The following OPA1 variants were observed in gnomAD, a reference collection of about 807,000 sequenced individuals.
OPA1 encodes OPA1 mitochondrial dynamin like GTPase, also known as dynamin-like GTPase OPA1, mitochondrial.
OPA1 carries 59 observed loss-of-function variants against 152.9 expected under a neutral mutation model. The observed-to-expected ratio is 0.39, with a 90% CI of 0.31 to 0.48. The LOEUF (loss-of-function observed/expected upper bound fraction) is 0.48, where lower values mean the gene tolerates loss of function less well. Among genes scored for constraint, OPA1 ranks in the 20% least tolerant of loss-of-function variants. The pLI is 0.96. For synonymous variants in OPA1, 400 were observed against 389.9 expected (o/e 1.03, Z -0.31); for missense variants, 1,008 against 1,216.8 (o/e 0.83, Z 2.55).
intron 21 of OPA1, among the ~76,000 whole-genome samples, chr3:193,654,469 C>T (rs560015271): frequency 3.4e-3 from 516 of 150,724 alleles, no homozygotes; most frequent in Non-Finnish European, 5.1e-3. Flanking sequence ...GTACTCCATC[C>T]AGCCTGGGCA....
At chr3:193,616,460 G>A (rs1308692226) in intron 3 of OPA1, among the ~76,000 whole-genome samples, 1 of 152,000 alleles carries the variant, frequency 6.6e-6, no homozygotes, top group Admixed American at 6.6e-5. Context: ...TTTCCATGCT[G>A]CCAAGTAGCC....
At chr3:193,691,293 T>A (rs1175748246) in intron 29 of OPA1, 1 of 152,206 alleles carries the variant, frequency 6.6e-6, no homozygotes, top group East Asian at 1.9e-4. Context: ...TAAGAGGGGA[T>A]TGGCATGTAC....
chr3:193,606,865 T>C (rs997615699), intron 1 of OPA1, among the ~76,000 whole-genome samples: 6 of 152,214 alleles, frequency 3.9e-5, no homozygotes, highest in African/African-American at 1.4e-4. Context: ...ATGGTTGAAC[T>C]AGTTTACAGT....
chr3:193,604,132 T>A (rs1726871624), intron 1 of OPA1, among the ~76,000 whole-genome samples: 2 of 152,228 alleles, frequency 1.3e-5, no homozygotes, highest in South Asian at 4.1e-4. Flanking sequence ...CTGCTGCTAC[T>A]GCTTTTAAAC....
intron 21 of OPA1, among the ~76,000 whole-genome samples, chr3:193,653,981 CA>C (rs1008681780): frequency 5.5e-4 from 83 of 150,402 alleles, no homozygotes; most frequent in Admixed American, 7.9e-4. Context: ...GCAAACATTT[CA>C]AAAAAAAATT....
intron 1 of OPA1, among the ~76,000 whole-genome samples, chr3:193,598,617 C>T (rs1725974598): frequency 1.3e-5 from 2 of 152,022 alleles, no homozygotes; most frequent in Middle Eastern, 3.2e-3. Context: ...AGAATGTTTG[C>T]AAAAGAGTTA....
intron 21 of OPA1, among the ~76,000 whole-genome samples, chr3:193,650,314 A>G (rs1448288055): frequency 1.3e-5 from 2 of 152,190 alleles, no homozygotes; most frequent in Non-Finnish European, 1.5e-5. Flanking sequence ...CGGATCATAT[A>G]TGATTCTCTG....
At chr3:193,601,566 T>A (rs1036953423) in intron 1 of OPA1, among the ~76,000 whole-genome samples, 3 of 152,216 alleles carry the variant, frequency 2.0e-5, no homozygotes, top group Non-Finnish European at 4.4e-5. Context: ...GGAAATTTAC[T>A]TTTCTATGGC....
intron 23 of OPA1, 87 bp from the exon 24 acceptor site, chr3:193,658,800 A>G (rs763429211): frequency 3.3e-6 from 3 of 901,384 alleles, no homozygotes; most frequent in East Asian, 2.4e-5. Flanking sequence ...TTATTTTTCC[A>G]TATTTACTAA....
At chr3:193,596,410 C>CTTTTT (rs758574570) in intron 1 of OPA1, among the ~76,000 whole-genome samples, 7 of 124,596 alleles carry the variant, frequency 5.6e-5, no homozygotes, top group Non-Finnish European at 1.2e-4. Context: ...CTTTTCTTTT[C>CTTTTT]TTTTCTTTTC....
At chr3:193,639,946 A>T (rs529469433) in intron 11 of OPA1, among the ~76,000 whole-genome samples, 9 of 152,080 alleles carry the variant, frequency 5.9e-5, no homozygotes, top group East Asian at 3.9e-4. Context: ...AGAGAGAGAG[A>T]GTGTCAATCA....
chr3:193,657,264 C>T, intron 23 of OPA1, 32 bp downstream of exon 23: 2 of 1,606,876 alleles, frequency 1.2e-6, no homozygotes, highest in Middle Eastern at 1.7e-4. Flanking sequence ...GTATCAGCCT[C>T]ATATTTTTAT....
chr3:193,632,690 G>A (rs1170066256), intron 8 of OPA1, among the ~76,000 whole-genome samples: 1 of 151,912 alleles, frequency 6.6e-6, no homozygotes, highest in Admixed American at 6.6e-5. Context: ...GCAACCCGGA[G>A]AAACCCCGTA....
intron 6 of OPA1, among the ~76,000 whole-genome samples, chr3:193,620,061 A>G (rs953902158): frequency 6.6e-6 from 1 of 152,178 alleles, no homozygotes; most frequent in African/African-American, 2.4e-5. Context: ...TTGATTGTTC[A>G]TGCTACTGGG....
chr3:193,619,700 T>G (rs1004919333), intron 6 of OPA1: 22 of 152,162 alleles, frequency 1.4e-4, no homozygotes, highest in Non-Finnish European at 1.5e-5. Context: ...GATAATAGAT[T>G]TATAGAAAAA....
intron 29 of OPA1, among the ~76,000 whole-genome samples, chr3:193,671,332 A>G (rs988120226): frequency 3.9e-5 from 6 of 152,228 alleles, no homozygotes; most frequent in African/African-American, 1.4e-4. Context: ...ACTTAAATTC[A>G]GTCATAACAA....
chr3:193,667,670 CAAAA>C (rs35232250), intron 29 of OPA1, among the ~76,000 whole-genome samples: 11 of 93,348 alleles, frequency 1.2e-4, no homozygotes, highest in Non-Finnish European at 1.9e-4. Context: ...GATTCTGTCT[CAAAA>C]AAAAAAAAAA....
rs544391054 is a variant in OPA1 at position 193,686,878 on chromosome 3, G to A, written c.2984-5185G>A. Among the ~76,000 whole-genome samples the A allele has an allele frequency of 2.0e-5, 3 of 152,110 alleles. No homozygotes were observed. In the East Asian group the frequency reaches 5.8e-4, roughly 29 times the overall value. ...GTACATTTGGATCTTTGGATGTGTG[G>A]TTTGCTTAAAGTACACTGCATTAGT... On this transcript the variant is annotated intron_variant, in intron 29 of 30. Transcript: ENST00000361510.
intron 1 of OPA1, among the ~76,000 whole-genome samples, chr3:193,601,719 A>G (rs1253740897): frequency 3.9e-5 from 6 of 152,184 alleles, no homozygotes; most frequent in Non-Finnish European, 8.8e-5. Context: ...TACGTTTTGT[A>G]GGCATCATTT....
Sources: allele counts gnomAD v4.1 joint callset (sites outside exome capture counted in the v4.1 genomes callset), GRCh38; gene constraint gnomAD v4.1.1; transcripts MANE v1.5; gene names NCBI Gene and HGNC (gene_info 2026-07-23, HGNC 2026-07-21).